DIP2C: variants seen among roughly 807,000 people sequenced by gnomAD.
DIP2C encodes disco-interacting protein 2 homolog C.
A neutral mutation model predicts 192.4 loss-of-function variants in DIP2C; 33 were observed. That is an observed-to-expected ratio of 0.17 (90% confidence interval 0.13 to 0.23). The LOEUF is 0.23. Among genes scored for constraint, DIP2C ranks in the 10% least tolerant of loss-of-function variants. The pLI is 1.00. For synonymous variants in DIP2C, 979 were observed against 864.1 expected, an observed-to-expected ratio of 1.13 and a Z score of -2.33; for missense variants, 1,537 against 2,110.1, an observed-to-expected ratio of 0.73 and a Z score of 5.32.
intron 4 of DIP2C, 74 bp from the exon 5 acceptor site, chr10:423,107 C>T: frequency 7.3e-7 from 1 of 1,377,678 alleles, no homozygotes; most frequent in Non-Finnish European, 9.9e-7. Flanking sequence ...CCTCGCCAAA[C>T]ACAGATTTAC....
intron 1 of DIP2C, among the ~76,000 whole-genome samples, chr10:516,067 C>A (rs989326561): frequency 4.6e-5 from 7 of 151,194 alleles, no homozygotes; most frequent in African/African-American, 1.7e-4. Context: ...TTTCCACTTC[C>A]ACGACGAGAG....
intron 24 of DIP2C, among the ~76,000 whole-genome samples, chr10:351,138 C>A (rs1459058355): frequency 1.3e-5 from 2 of 152,154 alleles, no homozygotes; most frequent in African/African-American, 2.4e-5. Context: ...GGGAGAGAGG[C>A]CCAGAGGGGC....
intron 22 of DIP2C, among the ~76,000 whole-genome samples, chr10:362,171 T>C (rs557239725): frequency 1.3e-5 from 2 of 152,158 alleles, no homozygotes; most frequent in African/African-American, 4.8e-5. Context: ...GTGAACCCAA[T>C]GTGCTTAGAA....
intron 31 of DIP2C, 29 bp downstream of exon 31, chr10:326,977 C>A: frequency 6.3e-7 from 1 of 1,594,820 alleles, no homozygotes; most frequent in South Asian, 1.2e-5. Context: ...ACACTTCCCA[C>A]TCAGCACTGT....
chr10:372,618 G>C lies in DIP2C; in HGVS notation c.1992-2985C>G, dbSNP rs371829111. Among the ~76,000 whole-genome samples the C allele has an allele frequency of 2.6e-4, 39 of 152,174 alleles. No homozygotes were observed. The East Asian group carries it at 7.4e-3, about 29-fold the overall frequency. Reference sequence around the variant, plus strand: ...CCTTGCTAGTCGGAGAAAACGCACGGCCCCGGGATTCTTTCCTTGCAGATG... The same window carrying C: ...CCTTGCTAGTCGGAGAAAACGCACGCCCCCGGGATTCTTTCCTTGCAGATG... On this transcript the variant is annotated intron_variant, in intron 17 of 36. Transcript: ENST00000280886.
In DIP2C at chr10:651,511, T is replaced by A; in HGVS notation, c.85+37983A>T. 1.9e-6 allele frequency: 1 copy of A among 538,440 alleles called. No individual in the cohort carries two copies. The highest frequency in any genetic ancestry group is 1.9e-5 in the South Asian group (1 of 51,796). The allele number at this position is 538,440 out of a possible 1,614,324, so 33.4% of individuals were successfully genotyped here. ...AATTATATGAAAATCCGTATCCACG[T>A]GAAGGTATTATGCAAAAAAAGCTTA... On this transcript the variant is annotated intron_variant, in intron 1 of 36. Coordinates refer to ENST00000280886, the MANE Select transcript of DIP2C (RefSeq NM_014974.3). The surrounding 1 kb of genome is among the most constrained non-coding windows in gnomAD (Gnocchi z 4.1).
In DIP2C at chr10:384,469, C is replaced by T; in HGVS notation, c.1756+77G>A. On this transcript the variant is annotated intron_variant, in intron 15 of 36. Coordinates refer to ENST00000280886, the MANE Select transcript of DIP2C (RefSeq NM_014974.3). ...GCCCGGGTGGTCTGGAACTCCTGAC[C>T]TCAGGTGATCCACCTGCTTTGGCCT... 2.8e-6 allele frequency: 4 copies of T among 1,442,296 alleles called. No homozygotes were observed. The South Asian group carries it at 3.5e-5, about 13-fold the overall frequency. The allele number at this position is 1,442,296 out of a possible 1,614,324, so 89.3% of individuals were successfully genotyped here. A position where few individuals can be genotyped will look rare whatever the true frequency, so the allele number is the denominator to read the frequency against.
intron 1 of DIP2C, among the ~76,000 whole-genome samples, chr10:674,537 A>C (rs1669678635): frequency 6.6e-6 from 1 of 151,970 alleles, no homozygotes; most frequent in South Asian, 2.1e-4. Flanking sequence ...TGGGGGGCAG[A>C]GGCAGGTGGA....
At chr10:579,541 TAA>T (rs953454846) in intron 1 of DIP2C, among the ~76,000 whole-genome samples, 2 of 152,002 alleles carry the variant, frequency 1.3e-5, no homozygotes, top group Admixed American at 1.3e-4. Flanking sequence ...TCCAGATCCA[TAA>T]AGTGTACATA....
chr10:631,535 C>T (rs1588640061), intron 1 of DIP2C, among the ~76,000 whole-genome samples: 1 of 152,154 alleles, frequency 6.6e-6, no homozygotes, highest in African/African-American at 2.4e-5. Flanking sequence ...CAGGGTAGCA[C>T]CTCTGGGCGC....
At chr10:618,240 T>C (rs935085025) in intron 1 of DIP2C, among the ~76,000 whole-genome samples, 1 of 152,228 alleles carries the variant, frequency 6.6e-6, no homozygotes, top group Non-Finnish European at 1.5e-5. Context: ...GGTTCATTAA[T>C]ATAAATTACA....
chr10:346,733 A>T (rs71489240), intron 26 of DIP2C, among the ~76,000 whole-genome samples: 6 of 75,394 alleles, frequency 8.0e-5, no homozygotes, highest in African/African-American at 3.3e-4. Context: ...AACGTCACAC[A>T]CACCCAGACA....
In DIP2C at chr10:382,702, C is replaced by G; in HGVS notation, c.1936G>C (p.Glu646Gln). Residue 646 changes from glutamate (E) to glutamine (Q), a missense_variant, in exon 17 of 37, where the codon GAG becomes CAG. Physicochemically the swap from Glu to Gln is conservative, Grantham distance 29 (BLOSUM62 2). Around this residue, in one of 4 missense-constraint regions of DIP2C, gnomAD observed 677 missense variants for 989.9 expected, o/e 0.68. Coordinates refer to ENST00000280886, the MANE Select transcript of DIP2C (RefSeq NM_014974.3). ...GAGCTGGCACAAGGACAGATGACCT[C>G]CTGTCGAAGGCCTTTACTTTGGAAG... ...NVFQSKGLRQ[E>Q]VICPCASSPE... 3.1e-6 allele frequency: 5 copies of G among 1,613,936 alleles called. No homozygotes were observed. The highest frequency in any genetic ancestry group is 4.2e-6 in the Non-Finnish European group (5 of 1,179,964).
intron 1 of DIP2C, among the ~76,000 whole-genome samples, chr10:534,791 C>G (rs2130875815): frequency 6.6e-6 from 1 of 151,952 alleles, no homozygotes; most frequent in East Asian, 1.9e-4. Flanking sequence ...ATTCTCCTGC[C>G]TCAGCCTCCC....
At chr10:465,424 C>T (rs1216917187) in intron 3 of DIP2C, among the ~76,000 whole-genome samples, 4 of 151,718 alleles carry the variant, frequency 2.6e-5, no homozygotes, top group Admixed American at 6.6e-5. Context: ...AACCCACAGC[C>T]AATATCATAC....
chr10:541,906 C>T (rs755038227), intron 1 of DIP2C, among the ~76,000 whole-genome samples: 4 of 152,206 alleles, frequency 2.6e-5, no homozygotes, highest in Admixed American at 6.5e-5. Flanking sequence ...ACCTTCTCGT[C>T]GGGTCAAGCA....
At position 274,908 on chromosome 10, in the gene DIP2C, A is replaced by T. The variant is rs577162752; in HGVS notation, c.*2417T>A. The T allele has an allele frequency of 5.4e-4, 82 of 152,380 alleles. No individual in the cohort carries two copies. Among genetic ancestry groups the T allele is most frequent in the African/African-American group, 1.9e-3 (78 of 41,600 alleles). 9.4% of individuals were successfully genotyped at this position (152,380 alleles called of 1,614,324 possible). A position where few individuals can be genotyped will look rare whatever the true frequency, so the allele number is the denominator to read the frequency against. On this transcript the variant is annotated 3_prime_UTR_variant, in exon 37 of 37. Transcript: ENST00000280886. ...TTATCTACAGTACAATTTTGAATAC[A>T]GAATGACCCTTCTTTATTGCTGAAA...
rs1476114048 is a variant in DIP2C at position 414,138 on chromosome 10, A to G, written c.860-28T>C. The G allele has an allele frequency of 3.8e-6, 6 of 1,593,190 alleles. No homozygotes were observed. In the South Asian group the frequency reaches 4.5e-5, roughly 12 times the overall value. On this transcript the variant is annotated intron_variant, in intron 7 of 36. Coordinates refer to ENST00000280886, the MANE Select transcript of DIP2C (RefSeq NM_014974.3). ...AAATCGTTTGAATACAAGAGGTTAC[A>G]AGAGAAATGCATCCACATTAGCATG... is the stretch of plus-strand genomic sequence containing the variant.
intron 10 of DIP2C, among the ~76,000 whole-genome samples, chr10:392,070 C>A (rs1321515532): frequency 6.6e-6 from 1 of 152,210 alleles, no homozygotes; most frequent in South Asian, 2.1e-4. Context: ...CAGATGGAAC[C>A]CACTTCGGGG....
Sources: allele counts gnomAD v4.1 joint callset (sites outside exome capture counted in the v4.1 genomes callset), GRCh38; gene constraint gnomAD v4.1.1; regional missense constraint gnomAD v4.1.1; non-coding constraint Gnocchi (gnomAD v3.1); transcripts MANE v1.5; gene names NCBI Gene and HGNC (gene_info 2026-07-23, HGNC 2026-07-21).